The following RXRA variants were observed in gnomAD, a reference collection of about 807,000 sequenced individuals.
The protein encoded by RXRA is retinoic acid receptor RXR-alpha.
RXRA carries 5 observed loss-of-function variants against 44.5 expected under a neutral mutation model. The observed-to-expected ratio is 0.11, with a 90% CI of 0.06 to 0.24. RXRA has a LOEUF of 0.24. Ranked by LOEUF, RXRA falls within the 10% of genes least tolerant of loss-of-function variation. RXRA has a pLI of 1.00. For missense variants in RXRA, 412 were observed against 646.5 expected, an observed-to-expected ratio of 0.64 and a Z score of 3.93; for synonymous variants, 291 against 271.4, an observed-to-expected ratio of 1.07 and a Z score of -0.71.
chr9:134,434,791 C>T (rs564033274), intron 9 of RXRA, among the ~76,000 whole-genome samples: 4 of 151,866 alleles, frequency 2.6e-5, no homozygotes, highest in Admixed American at 6.6e-5. Flanking sequence ...GATTCAAAGT[C>T]AGCGCTCCAG....
intron 1 of RXRA, among the ~76,000 whole-genome samples, chr9:134,383,972 T>G (rs1413306569): frequency 6.6e-6 from 1 of 152,094 alleles, no homozygotes; most frequent in Middle Eastern, 3.2e-3. Context: ...GTTGTTTGTG[T>G]TGTTATTATG....
chr9:134,338,523 G>A (rs12006409), intron 1 of RXRA, among the ~76,000 whole-genome samples: 17,482 of 152,240 alleles, frequency 0.11, 1,060 homozygotes, highest in South Asian at 0.16. Flanking sequence ...TGGGAGAGGC[G>A]TGTCCCCACG....
chr9:134,352,124 A>G (rs2119045032), intron 1 of RXRA, among the ~76,000 whole-genome samples: 1 of 152,252 alleles, frequency 6.6e-6, no homozygotes, highest in African/African-American at 2.4e-5. Flanking sequence ...GCTGGGGTGC[A>G]GCAAGGGGAG....
intron 1 of RXRA, among the ~76,000 whole-genome samples, chr9:134,341,650 G>C (rs1311704799): frequency 6.6e-6 from 1 of 152,232 alleles, no homozygotes; most frequent in African/African-American, 2.4e-5. Flanking sequence ...CTCGCAGCTT[G>C]GCCGGCACAC....
intron 6 of RXRA, chr9:134,424,706 C>G (rs958630487): frequency 1.0e-6 from 1 of 985,362 alleles, no homozygotes; most frequent in African/African-American, 1.7e-5. Context: ...GAAGCCTGCA[C>G]TGGCCAGGTG....
intron 1 of RXRA, among the ~76,000 whole-genome samples, chr9:134,382,000 TC>T (rs1830653997): frequency 6.6e-6 from 1 of 152,082 alleles, no homozygotes; most frequent in African/African-American, 2.4e-5. Flanking sequence ...TCCCCACGTC[TC>T]CTCCTCTCCT....
chr9:134,393,724 C>T (rs1462501702), intron 1 of RXRA, among the ~76,000 whole-genome samples: 1 of 152,194 alleles, frequency 6.6e-6, no homozygotes, highest in Non-Finnish European at 1.5e-5. Context: ...CACCTCTCAG[C>T]TCTGTCTTGA....
At chr9:134,361,061 G>A (rs967641804) in intron 1 of RXRA, among the ~76,000 whole-genome samples, 3 of 152,200 alleles carry the variant, frequency 2.0e-5, no homozygotes, top group African/African-American at 7.2e-5. Flanking sequence ...CCCCGGCCCT[G>A]CCAGGCATCT....
Position 134,417,878 on chromosome 9 carries a change from GC to G in RXRA, c.780+556del, listed in dbSNP as rs1831266171. On this transcript the variant is annotated intron_variant, in intron 5 of 9. Transcript: ENST00000481739. This position sits in a 1 kb window ranked among gnomAD's most constrained non-coding sequence, Gnocchi z 6.1. ...TGGTCACCCCCATGCTGACCCTCCT[GC>G]CCCCTCCCACCCCAACAGCCTCAAG... Among the ~76,000 whole-genome samples the G allele has an allele frequency of 2.6e-5, 4 of 151,780 alleles. No individual in the cohort carries two copies. In the South Asian group the frequency reaches 8.3e-4, roughly 32 times the overall value.
At chr9:134,351,537 C>T (rs11185659) in intron 1 of RXRA, among the ~76,000 whole-genome samples, 33,783 of 152,264 alleles carry the variant, frequency 0.22, 3,975 homozygotes, top group African/African-American at 0.28. Context: ...AATCCCTTCC[C>T]TGGCCTGTGA....
chr9:134,387,798 T>G (rs555426978), intron 1 of RXRA, among the ~76,000 whole-genome samples: 10 of 152,370 alleles, frequency 6.6e-5, no homozygotes, highest in African/African-American at 2.4e-4. Flanking sequence ...TGGGCATCTC[T>G]GGGCTCAGCT....
chr9:134,414,452 C>T (rs1196165689), intron 4 of RXRA, among the ~76,000 whole-genome samples: 2 of 152,258 alleles, frequency 1.3e-5, no homozygotes, highest in Non-Finnish European at 2.9e-5. Context: ...TTGGAGCCAT[C>T]CTGGGGGTGG....
rs1831442877 is a variant in RXRA, at chr9:134,426,894, G to T, written c.911-2214G>T. 1 of 985,276 alleles carries T rather than the reference G, an allele frequency of 1.0e-6. No homozygotes were observed. Among genetic ancestry groups the T allele is most frequent in the Non-Finnish European group, 1.2e-6 (1 of 829,920 alleles). The allele number at this position is 985,276 out of a possible 1,614,324, so 61.0% of individuals were successfully genotyped here. On this transcript the variant is annotated intron_variant, in intron 6 of 9. Transcript: ENST00000481739. The surrounding 1 kb of genome is among the most constrained non-coding windows in gnomAD (Gnocchi z 4.6). The stretch of plus-strand genomic sequence containing the variant: ...AGGAAGTCTGTCCACACTGGGCCTG[G>T]TGTGGGAAGGGAGGGAGAGCCCTTT...
intron 6 of RXRA, among the ~76,000 whole-genome samples, chr9:134,427,663 T>A (rs1185060170): frequency 1.3e-5 from 2 of 152,098 alleles, no homozygotes; most frequent in Non-Finnish European, 2.9e-5. Context: ...CGGTGACACC[T>A]GCCCCCGGGT....
intron 7 of RXRA, among the ~76,000 whole-genome samples, chr9:134,429,612 T>A (rs1247150312): frequency 6.6e-6 from 1 of 152,174 alleles, no homozygotes; most frequent in Non-Finnish European, 1.5e-5. Flanking sequence ...GCTGGCACGG[T>A]AATGCCGTGG....
At chr9:134,379,330 G>A in intron 1 of RXRA, 10 of 987,366 alleles carry the variant, frequency 1.0e-5, no homozygotes, top group Non-Finnish European at 1.2e-5. Flanking sequence ...GATGAAGGAG[G>A]GCTGGGGGCT....
intron 1 of RXRA, among the ~76,000 whole-genome samples, chr9:134,336,331 G>A (rs756232664): frequency 6.6e-6 from 1 of 152,194 alleles, no homozygotes; most frequent in Non-Finnish European, 1.5e-5. Flanking sequence ...CACAGGGGGC[G>A]TCACCCCTTA....
At chr9:134,378,050 A>G (rs1162118243) in intron 1 of RXRA, among the ~76,000 whole-genome samples, 1 of 152,218 alleles carries the variant, frequency 6.6e-6, no homozygotes, top group East Asian at 1.9e-4. Flanking sequence ...ATGGGGGCAC[A>G]GTGGTGCCCT....
Position 134,426,563 on chromosome 9 carries a change from C to T in RXRA, c.911-2545C>T. ...TGTGTCTGGGCTCCTGACCTGTATC[C>T]CGTGCTGAGGGCCGCACCTCGGCTC... On this transcript the variant is annotated intron_variant, in intron 6 of 9. Transcript: ENST00000481739. This position sits in a 1 kb window ranked among gnomAD's most constrained non-coding sequence, Gnocchi z 4.6. The T allele has an allele frequency of 1.0e-6, 1 of 985,442 alleles. No individual in the cohort carries two copies. 61.0% of individuals were successfully genotyped at this position (985,442 alleles called of 1,614,324 possible).
Sources: gnomAD v4.1 joint callset for allele counts (sites outside exome capture counted in the v4.1 genomes callset) on GRCh38, gnomAD v4.1.1 for gene constraint, Gnocchi (gnomAD v3.1) non-coding constraint, MANE v1.5 for transcripts, NCBI Gene and HGNC (gene_info 2026-07-23, HGNC 2026-07-21) for gene names.